Variants in NPHP3 observed in about 807,000 individuals in gnomAD.
NPHP3 encodes the protein nephrocystin 3.
NPHP3 carries 123 observed loss-of-function variants against 171.9 expected under a neutral mutation model. The ratio of observed to expected loss-of-function variants is 0.72; its 90% CI spans 0.62 to 0.83. The LOEUF (loss-of-function observed/expected upper bound fraction) is 0.83, where lower values mean the gene tolerates loss of function less well. Ranked by LOEUF, NPHP3 falls within the 40% of genes least tolerant of loss-of-function variation. NPHP3 has a pLI of 0.00. For missense variants in NPHP3, 1,506 were observed against 1,591.9 expected (o/e 0.95, Z 0.92); for synonymous variants, 558 against 579.2 (o/e 0.96, Z 0.52).
chr3:132,700,275 T>C, intron 11 of NPHP3, 59 bp downstream of exon 11: 2 of 1,340,260 alleles, frequency 1.5e-6, no homozygotes, highest in Non-Finnish European at 2.1e-6. Flanking sequence ...TACTTATTAG[T>C]CCCAACAATT....
At position 132,704,369 on chromosome 3, in the gene NPHP3, G is replaced by A. The variant is rs987573639; in HGVS notation, c.1353C>T (p.Asp451=). 1.8e-5 allele frequency: 29 copies of A among 1,613,874 alleles called. No homozygotes were observed. The East Asian group carries it at 6.2e-4, about 35-fold the overall frequency. ...AGTCTGTGTTCTCAAAACCCAGTATGTCCTAAACACAAAGAACAACCACAC... is the reference window on the plus strand; with the variant it reads ...AGTCTGTGTTCTCAAAACCCAGTATATCCTAAACACAAAGAACAACCACAC... The part of the protein sequence containing the change: ...YICVEKIIKQ[D]ILGFENTDLE... Residue 451 remains aspartate (D), a splice_region_variant and synonymous_variant, in exon 9 of 27, where the codon GAC becomes GAT. Transcript: ENST00000337331.
In NPHP3 at chr3:132,704,293, A is replaced by G. The variant is rs761955132; in HGVS notation, c.1429T>C (p.Phe477Leu). Residue 477 changes from phenylalanine to leucine, a missense_variant, in exon 9 of 27, where the codon TTT becomes CTT. Physicochemically the swap from Phe to Leu is conservative, Grantham distance 22. Coordinates refer to ENST00000337331, the MANE Select transcript of NPHP3 (RefSeq NM_153240.5). ...SEDSIPEEDDFGDVLWDIHDE... is the reference protein window; with the variant it reads ...SEDSIPEEDDLGDVLWDIHDE... ...TGTATGTCCCACAGAACATCACCAAAATCATCTTCTTCTGGAATGGAATCC... is the reference window on the plus strand; with the variant it reads ...TGTATGTCCCACAGAACATCACCAAGATCATCTTCTTCTGGAATGGAATCC... 3.1e-6 allele frequency: 5 copies of G among 1,614,048 alleles called. No homozygotes were observed. The highest frequency in any genetic ancestry group is 2.2e-5 in the East Asian group (1 of 44,894).
intron 9 of NPHP3, 102 bp from the exon 10 acceptor site, chr3:132,701,635 T>G: frequency 1.3e-6 from 1 of 797,032 alleles, no homozygotes; most frequent in Non-Finnish European, 2.1e-6. Flanking sequence ...AGAAAAGCTG[T>G]GTGAGAAAAT....
At chr3:132,718,488 C>T (rs965877734) in intron 3 of NPHP3, among the ~76,000 whole-genome samples, 4 of 152,230 alleles carry the variant, frequency 2.6e-5, no homozygotes, top group African/African-American at 9.6e-5. Flanking sequence ...AATAACATTG[C>T]AGAGACTAGT....
intron 8 of NPHP3, 89 bp from the exon 9 acceptor site, chr3:132,704,460 A>G: frequency 7.2e-7 from 1 of 1,382,012 alleles, no homozygotes. Flanking sequence ...GGCTTCACCT[A>G]CTTTTGGGAG....
intron 8 of NPHP3, 136 bp from the exon 9 acceptor site, chr3:132,704,507 C>A: frequency 1.4e-6 from 1 of 699,546 alleles, no homozygotes; most frequent in Non-Finnish European, 2.5e-6. Flanking sequence ...ATAATACCTA[C>A]AAGAATAAAC....
In NPHP3 at chr3:132,682,825, A is replaced by C. The variant is rs777908405; in HGVS notation, c.3697-7T>G. ...AAGCTTCAACGTGTTTTTTCTTATT[A>C]AAAAAAATGATAATGCTCATGCACA... is the stretch of plus-strand genomic sequence containing the variant. On this transcript the variant is annotated splice_polypyrimidine_tract_variant and splice_region_variant and intron_variant, in intron 25 of 26. Coordinates refer to ENST00000337331, the MANE Select transcript of NPHP3 (RefSeq NM_153240.5). 6 of 1,523,140 alleles carry C rather than the reference A, an allele frequency of 3.9e-6. No individual in the cohort carries two copies. The highest frequency in any genetic ancestry group is 3.4e-5 in the South Asian group (3 of 89,018). 94.4% of individuals were successfully genotyped at this position (1,523,140 alleles called of 1,614,324 possible).
chr3:132,703,250 A>G (rs888784351), intron 9 of NPHP3, among the ~76,000 whole-genome samples: 2 of 152,260 alleles, frequency 1.3e-5, no homozygotes, highest in Admixed American at 1.3e-4. Context: ...TAAATGATGG[A>G]ACCAGGACAT....
chr3:132,702,004 C>T (rs138313560), intron 9 of NPHP3, among the ~76,000 whole-genome samples: 41 of 152,132 alleles, frequency 2.7e-4, no homozygotes, highest in Admixed American at 9.2e-4. Context: ...CCAGCCTGGG[C>T]GACAGAGCAA....
At chr3:132,690,049 A>T (rs1468583099) in intron 19 of NPHP3, among the ~76,000 whole-genome samples, 1 of 152,224 alleles carries the variant, frequency 6.6e-6, no homozygotes, top group Non-Finnish European at 1.5e-5. Context: ...AACATATCAA[A>T]AGAGACAAAC....
At chr3:132,695,794 C>A (rs543537626) in intron 15 of NPHP3, among the ~76,000 whole-genome samples, 1 of 152,184 alleles carries the variant, frequency 6.6e-6, no homozygotes, top group East Asian at 1.9e-4. Flanking sequence ...ATAAGCCAGG[C>A]ATGGTGGTGT....
intron 25 of NPHP3, 36 bp downstream of exon 25, chr3:132,683,363 C>G: frequency 6.3e-7 from 1 of 1,587,938 alleles, no homozygotes; most frequent in Non-Finnish European, 8.6e-7. Flanking sequence ...ACCATAAAAT[C>G]ATTCACTGAT....
At position 132,711,583 on chromosome 3, in the gene NPHP3, A is replaced by T. The variant is rs190635684; in HGVS notation, c.1118+1543T>A. 6.6e-3 allele frequency among the ~76,000 whole-genome samples: 1,010 copies of T among 152,210 alleles called. 12 individuals are homozygous for T. Among genetic ancestry groups the T allele is most frequent in the Non-Finnish European group, 6.4e-3 (437 of 68,018 alleles). Reference sequence around the variant, plus strand: ...TAAGGTTTTTGTTTGTTTGTTTTTGAGACAGGGTCATACTCTGTCACCCAG... The same window carrying T: ...TAAGGTTTTTGTTTGTTTGTTTTTGTGACAGGGTCATACTCTGTCACCCAG... On this transcript the variant is annotated intron_variant, in intron 6 of 26. Transcript: ENST00000337331.
Position 132,684,544 on chromosome 3 carries a change from G to C in NPHP3, c.3570+10C>G, listed in dbSNP as rs1939107592. On this transcript the variant is annotated intron_variant, in intron 24 of 26. Transcript: ENST00000337331. Reference sequence around the variant, plus strand: ...TTATAAAACATGTAAGAATGTCAAAGCTTACTTACCATTTTCTTATACAAG... The same window carrying C: ...TTATAAAACATGTAAGAATGTCAAACCTTACTTACCATTTTCTTATACAAG... 1.2e-6 allele frequency: 2 copies of C among 1,613,432 alleles called. No individual in the cohort carries two copies. The highest frequency in any genetic ancestry group is 2.7e-5 in the African/African-American group (2 of 74,904).
Position 132,682,719 on chromosome 3 carries a change from T to G in NPHP3, c.3796A>C (p.Asn1266His), listed in dbSNP as rs1485982409. Reference sequence around the variant, plus strand: ...AATTCTTACCTAAGCACAGCTAAATTTTTCAGTGTTTCTCCAACTCGAGGA... The same window carrying G: ...AATTCTTACCTAAGCACAGCTAAATGTTTCAGTGTTTCTCCAACTCGAGGA... ...MHPRVGETLK[N>H]LAVLSYEGGD... is the part of the protein sequence containing the mutation. The change falls in exon 26 of 27, where the codon AAT (asparagine) becomes CAT (histidine). Residue 1266 changes from asparagine to histidine, a missense_variant. Asn to His is a moderately conservative substitution (Grantham distance 68). Around this residue, in one of 3 missense-constraint regions of NPHP3, gnomAD observed 569 missense variants for 648.1 expected, o/e 0.88. Transcript: ENST00000337331. 6.2e-7 allele frequency: 1 copy of G among 1,609,812 alleles called. No homozygotes were observed. The highest frequency in any genetic ancestry group is 1.7e-4 in the Middle Eastern group (1 of 6,048).
At chr3:132,718,631 A>G (rs539308922) in intron 3 of NPHP3, among the ~76,000 whole-genome samples, 14 of 152,346 alleles carry the variant, frequency 9.2e-5, no homozygotes, top group African/African-American at 3.4e-4. Context: ...GGATTTGAGA[A>G]GTGATCTTAG....
intron 10 of NPHP3, 135 bp from the exon 11 acceptor site, chr3:132,700,583 A>C (rs1455813989): frequency 3.5e-6 from 2 of 567,726 alleles, no homozygotes; most frequent in Admixed American, 6.8e-5. Context: ...TTAAATAAAT[A>C]TGGAGATTTC....
chr3:132,720,467 C>T (rs746115314), intron 1 of NPHP3, among the ~76,000 whole-genome samples: 12 of 152,174 alleles, frequency 7.9e-5, no homozygotes, highest in Admixed American at 4.6e-4. Context: ...TTCCAACGTG[C>T]GGTGTCTGTT....
chr3:132,693,316 C>A (rs1939347869), intron 16 of NPHP3: 1 of 161,958 alleles, frequency 6.2e-6, no homozygotes, highest in Non-Finnish European at 1.3e-5. Context: ...GGCAGCATCC[C>A]CCAGTAAGAG....
Sources: gnomAD v4.1 joint callset for allele counts (sites outside exome capture counted in the v4.1 genomes callset) on GRCh38, gnomAD v4.1.1 for gene constraint, gnomAD v4.1.1 regional missense constraint, MANE v1.5 for transcripts, NCBI Gene and HGNC (gene_info 2026-07-23, HGNC 2026-07-21) for gene names.